HSP90AB1: variants seen among roughly 807,000 people sequenced by gnomAD.
HSP90AB1 encodes the protein heat shock protein 90 alpha family class B member 1.
HSP90AB1 carries 17 observed loss-of-function variants against 67.8 expected under a neutral mutation model. That is an observed-to-expected ratio of 0.25 (90% confidence interval 0.17 to 0.38). HSP90AB1 has a LOEUF of 0.38. Ranked by LOEUF, HSP90AB1 falls within the 10% of genes least tolerant of loss-of-function variation. HSP90AB1 has a pLI of 1.00. For synonymous variants in HSP90AB1, 390 were observed against 312.9 expected (o/e 1.25, Z -2.60); for missense variants, 690 against 899.9 (o/e 0.77, Z 2.98).
Position 44,249,768 on chromosome 6 carries a change from A to C in HSP90AB1, c.448A>C (p.Asn150His). The C allele has an allele frequency of 6.2e-7, 1 of 1,614,038 alleles. No individual in the cohort carries two copies. Among genetic ancestry groups the C allele is most frequent in the East Asian group, 2.2e-5 (1 of 44,862 alleles). The change falls in exon 4 of 12, where the codon AAC becomes CAC. Residue 150 changes from asparagine to histidine, a missense_variant. By Grantham distance (68) the Asn-to-His change is moderately conservative. Transcript: ENST00000371646. The part of the protein sequence containing the change: ...AEKVVVITKH[N>H]DDEQYAWESS... ...GAAAGTGGTTGTGATCACAAAGCAC[A>C]ACGATGATGAACAGTATGCTTGGGA...
chr6:44,249,960 T>C (rs1177605739), intron 4 of HSP90AB1, 61 bp from the exon 5 acceptor site: 1 of 1,600,346 alleles, frequency 6.2e-7, no homozygotes, highest in East Asian at 2.2e-5. Context: ...TACTTACTAA[T>C]TGCTGGTCTC....
In HSP90AB1 at chr6:44,253,592, C is replaced by T. The variant is rs771709997; in HGVS notation, c.2169C>T (p.Val723=). ...AGGATGCGTCTCGCATGGAAGAAGT[C>T]GATTAGGTTAGGAGTTCATAGTTGG... ...GDEDASRMEE[V]D The change falls in exon 12 of 12, where the codon GTC becomes GTT. Residue 723 remains valine (V), a synonymous_variant. Transcript: ENST00000371646. 1.9e-5 allele frequency: 31 copies of T among 1,612,482 alleles called. No individual in the cohort carries two copies. Among genetic ancestry groups the T allele is most frequent in the Middle Eastern group, 3.3e-4 (2 of 6,080 alleles).
upstream of HSP90AB1, chr6:44,246,980 G>A (rs550425029): frequency 6.6e-6 from 1 of 152,454 alleles, no homozygotes; most frequent in African/African-American, 2.4e-5. Context: ...TGACGTCAAG[G>A]TGGGCTGGTG....
intron 10 of HSP90AB1, 72 bp downstream of exon 10, chr6:44,252,339 T>A: frequency 7.1e-7 from 1 of 1,409,300 alleles, no homozygotes; most frequent in Non-Finnish European, 9.8e-7. Context: ...CATGTTTCTA[T>A]ACAATTAGTG....
rs1582982911 is a variant in HSP90AB1, at chr6:44,249,545, G to A, written c.316G>A (p.Ala106Thr). The A allele has an allele frequency of 1.2e-6, 2 of 1,614,028 alleles. No individual in the cohort carries two copies. Among genetic ancestry groups the A allele is most frequent in the African/African-American group, 1.3e-5 (1 of 74,924 alleles). ...TCTCATAAATAATTTGGGAACCATT[G>A]CCAAGTCTGGTACTAAAGCATTCAT... ...ADLINNLGTIAKSGTKAFMEA... is the reference protein window; with the variant it reads ...ADLINNLGTITKSGTKAFMEA... The change falls in exon 3 of 12, where the codon GCC (alanine) becomes ACC (threonine). Residue 106 changes from alanine to threonine, a missense_variant. By Grantham distance (58) the Ala-to-Thr change is moderately conservative (BLOSUM62 0). Coordinates refer to ENST00000371646, the MANE Select transcript of HSP90AB1 (RefSeq NM_007355.4).
In HSP90AB1 at chr6:44,251,145, A is replaced by T. The variant is rs765846049; in HGVS notation, c.1055A>T (p.Asn352Ile). The T allele has an allele frequency of 3.9e-5, 63 of 1,614,102 alleles. No individual in the cohort carries two copies. The highest frequency in any genetic ancestry group is 4.8e-5 in the Non-Finnish European group (57 of 1,180,030). Residue 352 changes from asparagine to isoleucine, a missense_variant, in exon 7 of 12, where the codon AAC becomes ATC. By Grantham distance (149) the Asn-to-Ile change is moderately radical. Transcript: ENST00000371646. Reference protein sequence around the residue: ...DLFENKKKKNNIKLYVRRVFI... With the variant: ...DLFENKKKKNIIKLYVRRVFI... Reference sequence around the variant, plus strand: ...TTTGAGAACAAGAAGAAAAAGAACAACATCAAACTCTATGTCCGCCGTGTG... The same window carrying T: ...TTTGAGAACAAGAAGAAAAAGAACATCATCAAACTCTATGTCCGCCGTGTG...
chr6:44,249,830 C>G lies in HSP90AB1; in HGVS notation c.510C>G (p.Asp170Glu). The part of the protein sequence containing the change: ...SAGGSFTVRA[D>E]HGEPIGRGTK... ...GAGGTTCCTTCACTGTGCGTGCTGA[C>G]CATGGTAAGTTAGCTTTTCTGTTAC... is the stretch of plus-strand genomic sequence containing the variant. The change falls in exon 4 of 12, where the codon GAC becomes GAG. Residue 170 changes from aspartate (D) to glutamate (E), a missense_variant. Coordinates refer to ENST00000371646, the MANE Select transcript of HSP90AB1 (RefSeq NM_007355.4). 6.2e-7 allele frequency: 1 copy of G among 1,605,032 alleles called. No individual in the cohort carries two copies.
chr6:44,250,955 TAGGG>T, intron 6 of HSP90AB1, 89 bp from the exon 7 acceptor site: 1 of 1,115,680 alleles, frequency 9.0e-7, no homozygotes, highest in Non-Finnish European at 1.4e-6. Context: ...CCCTTAGGCT[TAGGG>T]AGGATCATTG....
chr6:44,253,741 G>A lies in HSP90AB1; in HGVS notation c.*143G>A. 1.3e-6 allele frequency: 1 copy of A among 784,256 alleles called. No homozygotes were observed. Among genetic ancestry groups the A allele is most frequent in the Non-Finnish European group, 2.4e-6 (1 of 422,262 alleles). 48.6% of individuals were successfully genotyped at this position (784,256 alleles called of 1,614,324 possible). On this transcript the variant is annotated 3_prime_UTR_variant, in exon 12 of 12. Coordinates refer to ENST00000371646, the MANE Select transcript of HSP90AB1 (RefSeq NM_007355.4). ...TCCCTCTCCTGTCCTTGTGTTGAAG[G>A]CAGTAAACTAAGGGTGTCAAGCCCC...
At chr6:44,251,946 G>T in intron 9 of HSP90AB1, 53 bp from the exon 10 acceptor site, 1 of 1,613,278 alleles carries the variant, frequency 6.2e-7, no homozygotes, top group Admixed American at 1.7e-5. Context: ...GGCTTCCTGG[G>T]AACTGGCAGT....
At chr6:44,249,271 C>A in intron 2 of HSP90AB1, 106 bp from the exon 3 acceptor site, 1 of 905,820 alleles carries the variant, frequency 1.1e-6, no homozygotes, top group Non-Finnish European at 1.7e-6. Flanking sequence ...CCTGGGAGGT[C>A]AAGGCTGCAG....
In HSP90AB1 at chr6:44,253,561, G is replaced by T; in HGVS notation, c.2138G>T (p.Gly713Val). Reference sequence around the variant, plus strand: ...CCTGATGAGATCCCCCCTCTCGAGGGCGATGAGGATGCGTCTCGCATGGAA... The same window carrying T: ...CCTGATGAGATCCCCCCTCTCGAGGTCGATGAGGATGCGTCTCGCATGGAA... ...AVPDEIPPLE[G>V]DEDASRMEEV... The change falls in exon 12 of 12, where the codon GGC becomes GTC. Residue 713 changes from glycine (G) to valine (V), a missense_variant. Physicochemically the swap from Gly to Val is moderately radical, Grantham distance 109 (BLOSUM62 -3). Around this residue, in one of 7 missense-constraint regions of HSP90AB1, gnomAD observed 120 missense variants for 153.5 expected, o/e 0.78. Coordinates refer to ENST00000371646, the MANE Select transcript of HSP90AB1 (RefSeq NM_007355.4). 2 of 1,614,150 alleles carry T rather than the reference G, an allele frequency of 1.2e-6. No individual in the cohort carries two copies. The highest frequency in any genetic ancestry group is 1.7e-6 in the Non-Finnish European group (2 of 1,179,982).
intron 2 of HSP90AB1, among the ~76,000 whole-genome samples, chr6:44,249,170 C>T (rs571847910): frequency 6.6e-6 from 1 of 152,072 alleles, no homozygotes; most frequent in African/African-American, 2.4e-5. Flanking sequence ...GAGACCTTGT[C>T]TCTGCAAAAA....
At chr6:44,246,829 T>G (rs1339744121), upstream of HSP90AB1, among the ~76,000 whole-genome samples, 2 of 152,136 alleles carry the variant, frequency 1.3e-5, no homozygotes, top group Non-Finnish European at 2.9e-5. Context: ...GAGACACCGT[T>G]TATGCCAAAT....
rs56208207 is a variant in HSP90AB1, at chr6:44,250,749, C to G, written c.957+150C>G. 4.7e-6 allele frequency: 3 copies of G among 638,564 alleles called. No individual in the cohort carries two copies. In the East Asian group the frequency reaches 8.1e-5, roughly 17 times the overall value. 39.6% of individuals were successfully genotyped at this position (638,564 alleles called of 1,614,324 possible). A position where few individuals can be genotyped will look rare whatever the true frequency, so the allele number is the denominator to read the frequency against. Reference sequence around the variant, plus strand: ...TGATTTCACTTACTGATTACCCTGTCATAGTGAAGTGCCATCATTTCTAAT... The same window carrying G: ...TGATTTCACTTACTGATTACCCTGTGATAGTGAAGTGCCATCATTTCTAAT... On this transcript the variant is annotated intron_variant, in intron 6 of 11. Coordinates refer to ENST00000371646, the MANE Select transcript of HSP90AB1 (RefSeq NM_007355.4).
chr6:44,251,021 G>A, intron 6 of HSP90AB1, 27 bp from the exon 7 acceptor site: 3 of 1,608,226 alleles, frequency 1.9e-6, no homozygotes, highest in Admixed American at 1.7e-5. Flanking sequence ...CTTTTGAAAT[G>A]TACCACTTAT....
chr6:44,250,368 A>C lies in HSP90AB1; in HGVS notation c.726A>C (p.Lys242Asn). 6.2e-6 allele frequency: 10 copies of C among 1,613,680 alleles called. No individual in the cohort carries two copies. Among genetic ancestry groups the C allele is most frequent in the Non-Finnish European group, 8.5e-6 (10 of 1,179,652 alleles). ...EEKGEKEEEDKDDEEKPKIED... is the reference protein window; with the variant it reads ...EEKGEKEEEDNDDEEKPKIED... ...AAGGTGAGAAAGAAGAGGAAGATAAAGATGATGAAGAAAAACCCAAGATCG... is the reference window on the plus strand; with the variant it reads ...AAGGTGAGAAAGAAGAGGAAGATAACGATGATGAAGAAAAACCCAAGATCG... The change falls in exon 6 of 12, where the codon AAA becomes AAC. Residue 242 changes from lysine to asparagine, a missense_variant. Lys to Asn is a moderately conservative substitution (Grantham distance 94, BLOSUM62 0). This residue lies in a region of HSP90AB1 where 146 missense variants were observed against 143.7 expected (regional missense o/e 1.02). Transcript: ENST00000371646.
At chr6:44,252,371 GTT>G in intron 10 of HSP90AB1, 104 bp downstream of exon 10, 1 of 1,015,910 alleles carries the variant, frequency 9.8e-7, no homozygotes, top group Non-Finnish European at 1.5e-6. Context: ...CCTATTTACT[GTT>G]TCATGCCTTC....
At chr6:44,249,329 GAGTC>G in intron 2 of HSP90AB1, 44 bp from the exon 3 acceptor site, 1 of 1,471,964 alleles carries the variant, frequency 6.8e-7, no homozygotes, top group Non-Finnish European at 9.5e-7. Flanking sequence ...AACAGAGCAA[GAGTC>G]TGTCTTGGAA....
Sources: allele counts gnomAD v4.1 joint callset (sites outside exome capture counted in the v4.1 genomes callset), GRCh38; gene constraint gnomAD v4.1.1; regional missense constraint gnomAD v4.1.1; transcripts MANE v1.5; gene names NCBI Gene and HGNC (gene_info 2026-07-23, HGNC 2026-07-21).